The following KIAA1217 variants were observed in gnomAD, a reference collection of about 807,000 sequenced individuals.
The protein encoded by KIAA1217 is sickle tail protein homolog.
A neutral mutation model predicts 163.9 loss-of-function variants in KIAA1217; 88 were observed. The ratio of observed to expected loss-of-function variants is 0.54; its 90% CI spans 0.45 to 0.64. The LOEUF (loss-of-function observed/expected upper bound fraction) is 0.64, where lower values mean the gene tolerates loss of function less well. Among genes scored for constraint, KIAA1217 ranks in the 30% least tolerant of loss-of-function variants. KIAA1217 has a pLI of 0.00. For synonymous variants in KIAA1217, 903 were observed against 923.1 expected (o/e 0.98, Z 0.39); for missense variants, 2,372 against 2,475.0 (o/e 0.96, Z 0.88).
At chr10:23,710,059 C>T (rs772378928) in intron 1 of KIAA1217, among the ~76,000 whole-genome samples, 11 of 152,114 alleles carry the variant, frequency 7.2e-5, no homozygotes, top group Non-Finnish European at 1.6e-4. Flanking sequence ...GGATGGATAA[C>T]GGATGCAAAG....
At chr10:24,459,007 C>G (rs759224889) in intron 5 of KIAA1217, among the ~76,000 whole-genome samples, 2 of 152,114 alleles carry the variant, frequency 1.3e-5, no homozygotes, top group Non-Finnish European at 2.9e-5. Flanking sequence ...ACAGATTCCT[C>G]GGCACCACCC....
intron 2 of KIAA1217, among the ~76,000 whole-genome samples, chr10:24,278,177 C>T (rs1017563516): frequency 2.0e-5 from 3 of 152,140 alleles, no homozygotes; most frequent in Admixed American, 6.5e-5. Flanking sequence ...CACATTACAG[C>T]CACAGTGGCG....
chr10:24,044,556 G>A (rs888379882), intron 2 of KIAA1217, among the ~76,000 whole-genome samples: 1 of 151,888 alleles, frequency 6.6e-6, no homozygotes, highest in Non-Finnish European at 1.5e-5. Flanking sequence ...GACTAGTGTA[G>A]TGACCCTTCC....
intron 1 of KIAA1217, among the ~76,000 whole-genome samples, chr10:23,918,416 G>T (rs1842710952): frequency 6.6e-6 from 1 of 152,142 alleles, no homozygotes; most frequent in South Asian, 2.1e-4. Flanking sequence ...CTTGTTCTGA[G>T]AATGAAGCAT....
At chr10:24,068,035 G>A (rs189970380) in intron 2 of KIAA1217, among the ~76,000 whole-genome samples, 11 of 152,294 alleles carry the variant, frequency 7.2e-5, no homozygotes, top group South Asian at 2.1e-4. Context: ...TCCAGTTTCC[G>A]TCTGTCACCC....
chr10:23,763,068 C>T (rs1357910070), intron 1 of KIAA1217, among the ~76,000 whole-genome samples: 1 of 151,990 alleles, frequency 6.6e-6, no homozygotes, highest in East Asian at 1.9e-4. Flanking sequence ...CTGTGAAGGA[C>T]CTATTCAAGG....
intron 17 of KIAA1217, among the ~76,000 whole-genome samples, chr10:24,538,095 C>T (rs2074297184): frequency 6.6e-6 from 1 of 152,206 alleles, no homozygotes; most frequent in Non-Finnish European, 1.5e-5. Flanking sequence ...AGCCCAATAG[C>T]TACTACAGAT....
rs762244810 is a variant in KIAA1217 at position 23,938,023 on chromosome 10, G to A, written c.-320-69202G>A. Among the ~76,000 whole-genome samples, 4 of 152,172 alleles carry A rather than the reference G, an allele frequency of 2.6e-5. No homozygotes were observed. In the East Asian group the frequency reaches 7.7e-4, roughly 29 times the overall value. On this transcript the variant is annotated intron_variant, in intron 1 of 18. Coordinates refer to the KIAA1217 transcript ENST00000376462. ...CGAGAGTTCACAGGGCATGGTATTA[G>A]TAAAGAAAGAAGTGAATACAAAGAG... is the stretch of plus-strand genomic sequence containing the variant.
chr10:24,056,466 G>A (rs1026311878), intron 2 of KIAA1217, among the ~76,000 whole-genome samples: 1 of 151,944 alleles, frequency 6.6e-6, no homozygotes, highest in African/African-American at 2.4e-5. Context: ...ATAAAAGAAA[G>A]GACTGTACTA....
chr10:24,323,437 T>C (rs980563515), intron 2 of KIAA1217, among the ~76,000 whole-genome samples: 5 of 152,226 alleles, frequency 3.3e-5, no homozygotes, highest in Non-Finnish European at 5.9e-5. Flanking sequence ...TCCCATGCCA[T>C]GAGGCATCCC....
At chr10:24,051,064 C>G (rs1453822894) in intron 2 of KIAA1217, among the ~76,000 whole-genome samples, 1 of 152,120 alleles carries the variant, frequency 6.6e-6, no homozygotes, top group Non-Finnish European at 1.5e-5. Context: ...GTGTTTTATC[C>G]TTCACCCAAC....
At chr10:23,725,925 G>T (rs1838106844) in intron 1 of KIAA1217, among the ~76,000 whole-genome samples, 1 of 152,136 alleles carries the variant, frequency 6.6e-6, no homozygotes, top group African/African-American at 2.4e-5. Context: ...TAAAAAGGTT[G>T]TCTATACCTT....
chr10:24,179,414 C>A (rs1043631893), intron 2 of KIAA1217, among the ~76,000 whole-genome samples: 11 of 152,050 alleles, frequency 7.2e-5, no homozygotes, highest in African/African-American at 2.4e-4. Context: ...GTACCTCCCC[C>A]CTCACTTCCT....
At chr10:23,818,644 G>T (rs959682282) in intron 1 of KIAA1217, among the ~76,000 whole-genome samples, 1 of 152,028 alleles carries the variant, frequency 6.6e-6, no homozygotes, top group South Asian at 2.1e-4. Context: ...GCACCTTCTT[G>T]CTCCTTAGTG....
chr10:24,062,894 G>T (rs543970156), intron 2 of KIAA1217, among the ~76,000 whole-genome samples: 138 of 147,072 alleles, frequency 9.4e-4, no homozygotes, highest in African/African-American at 3.6e-3. Context: ...GGCCAGTGAT[G>T]ATGAGCATTT....
chr10:24,338,734 A>G (rs2046704189), intron 2 of KIAA1217, among the ~76,000 whole-genome samples: 1 of 152,136 alleles, frequency 6.6e-6, no homozygotes. Context: ...AAATATTGTC[A>G]ATTTGAGGCA....
chr10:24,102,180 G>A (rs12251761), intron 2 of KIAA1217, among the ~76,000 whole-genome samples: 1 of 152,098 alleles, frequency 6.6e-6, no homozygotes, highest in Non-Finnish European at 1.5e-5. Flanking sequence ...GAATGAAGAA[G>A]CAATTATAGC....
intron 1 of KIAA1217, among the ~76,000 whole-genome samples, chr10:23,818,204 A>AT (rs1323754596): frequency 8.4e-5 from 12 of 142,864 alleles, no homozygotes; most frequent in Admixed American, 1.4e-4. Context: ...GGTAAGACAT[A>AT]TTTTTTTTGC....
intron 1 of KIAA1217, among the ~76,000 whole-genome samples, chr10:24,000,258 G>A (rs916653344): frequency 1.3e-5 from 2 of 152,130 alleles, no homozygotes; most frequent in Admixed American, 6.5e-5. Flanking sequence ...TAATCCCCAC[G>A]TGTCGTAGGA....
Sources: allele counts gnomAD v4.1 joint callset (sites outside exome capture counted in the v4.1 genomes callset), GRCh38; gene constraint gnomAD v4.1.1; transcripts MANE v1.5; gene names NCBI Gene and HGNC (gene_info 2026-07-23, HGNC 2026-07-21).